SUGCT: variants seen among roughly 807,000 people sequenced by gnomAD.
SUGCT encodes the protein succinyl-CoA:glutarate-CoA transferase.
A neutral mutation model predicts 55.0 loss-of-function variants in SUGCT; 41 were observed. That is an observed-to-expected ratio of 0.74 (90% CI 0.58 to 0.97). The LOEUF (loss-of-function observed/expected upper bound fraction) is 0.97. Ranked by LOEUF, SUGCT falls within the 50% of genes least tolerant of loss-of-function variation. The pLI, the probability that SUGCT is intolerant of heterozygous loss-of-function variation, is 0.00. For synonymous variants in SUGCT, 187 were observed against 200.4 expected (o/e 0.93, Z 0.56); for missense variants, 568 against 547.8 (o/e 1.04, Z -0.37).
the SUGCT span, among the ~76,000 whole-genome samples, chr7:40,952,413 C>T: frequency 5.3e-5 from 8 of 152,138 alleles, no homozygotes; most frequent in Admixed American, 5.2e-4. Context: ...ATCCAATTTG[C>T]CAGTCTGTGT....
At chr7:40,650,744 C>A (rs1212835321) in intron 12 of SUGCT, among the ~76,000 whole-genome samples, 1 of 152,162 alleles carries the variant, frequency 6.6e-6, no homozygotes, top group African/African-American at 2.4e-5. Flanking sequence ...TAGGGTACAT[C>A]TGCAGGATGT....
chr7:40,493,211 A>C (rs572343585), intron 11 of SUGCT, among the ~76,000 whole-genome samples: 1 of 152,332 alleles, frequency 6.6e-6, no homozygotes, highest in African/African-American at 2.4e-5. Flanking sequence ...AAGCTGAATG[A>C]ATTTGAGCAA....
intron 12 of SUGCT, among the ~76,000 whole-genome samples, chr7:40,594,091 C>T (rs192121550): frequency 2.0e-4 from 30 of 151,942 alleles, no homozygotes; most frequent in East Asian, 1.6e-3. Context: ...AACCAAACAC[C>T]GCATATTCTC....
At chr7:40,255,375 G>A (rs114997044) in intron 7 of SUGCT, among the ~76,000 whole-genome samples, 2,544 of 151,500 alleles carry the variant, frequency 0.017, 57 homozygotes, top group African/African-American at 0.059. Context: ...AAAATAACAG[G>A]CTGAGGCTGG....
intron 9 of SUGCT, among the ~76,000 whole-genome samples, chr7:40,377,254 C>CTTT (rs1328189267): frequency 0.18 from 1,667 of 9,346 alleles, 747 homozygotes; most frequent in Middle Eastern, 0.36. Context: ...TTCCTTCTTT[C>CTTT]TTTTTTGAGA....
intron 13 of SUGCT, among the ~76,000 whole-genome samples, chr7:40,807,899 C>G (rs1435048337): frequency 6.6e-6 from 1 of 152,140 alleles, no homozygotes. Flanking sequence ...AGATGCAGGC[C>G]AGAAGACTAA....
the SUGCT span, among the ~76,000 whole-genome samples, chr7:40,869,597 G>A: frequency 6.6e-6 from 1 of 152,164 alleles, no homozygotes; most frequent in Non-Finnish European, 1.5e-5. Context: ...CTTATAAATG[G>A]CTGTTGTTTT....
intron 12 of SUGCT, among the ~76,000 whole-genome samples, chr7:40,537,724 C>T (rs1045520304): frequency 6.6e-6 from 1 of 152,100 alleles, no homozygotes; most frequent in African/African-American, 2.4e-5. Context: ...CTATTAAACA[C>T]TTTTCCTAGT....
At chr7:40,734,635 A>G (rs1787067500) in intron 12 of SUGCT, among the ~76,000 whole-genome samples, 1 of 152,150 alleles carries the variant, frequency 6.6e-6, no homozygotes, top group Admixed American at 6.5e-5. Flanking sequence ...CAACTCAGAG[A>G]ATCCATGTGC....
chr7:40,954,146 C>T, the SUGCT span, among the ~76,000 whole-genome samples: 6 of 152,208 alleles, frequency 3.9e-5, no homozygotes, highest in African/African-American at 1.4e-4. Context: ...CAAGCCTCAG[C>T]AATGGCGGGT....
At chr7:40,589,751 TTTC>T (rs1285848817) in intron 12 of SUGCT, among the ~76,000 whole-genome samples, 1 of 152,230 alleles carries the variant, frequency 6.6e-6, no homozygotes, top group African/African-American at 2.4e-5. Flanking sequence ...CATAAATATA[TTTC>T]TTAAGTTAGT....
At chr7:40,675,062 CTTT>C (rs777227064) in intron 12 of SUGCT, among the ~76,000 whole-genome samples, 2 of 135,386 alleles carry the variant, frequency 1.5e-5, no homozygotes, top group Non-Finnish European at 1.6e-5. Flanking sequence ...TTTCTAAAAT[CTTT>C]TTTTTTTTTT....
chr7:40,470,205 C>T (rs1234723674), intron 11 of SUGCT, among the ~76,000 whole-genome samples: 5 of 152,010 alleles, frequency 3.3e-5, no homozygotes, highest in African/African-American at 9.7e-5. Context: ...GTTTGCTCCT[C>T]GGACTCCCTG....
intron 8 of SUGCT, among the ~76,000 whole-genome samples, chr7:40,304,264 T>A (rs866395210): frequency 3.3e-5 from 5 of 151,952 alleles, no homozygotes; most frequent in Middle Eastern, 3.4e-3. Flanking sequence ...ATGAAAGAAA[T>A]CTGTAGAAGT....
In SUGCT at chr7:40,860,331, A is replaced by G; in HGVS notation, c.1169A>G (p.Tyr390Cys). ...KISVPGPAVR[Y>C]SKFKMSEARP... ...CCTTTGGCAGGCCCAGCTGTGAGATACAGTAAGTTCAAGATGTCAGAGGCC... is the reference window on the plus strand; with the variant it reads ...CCTTTGGCAGGCCCAGCTGTGAGATGCAGTAAGTTCAAGATGTCAGAGGCC... Residue 390 changes from tyrosine (Y) to cysteine (C), a missense_variant, in exon 14 of 14, where the codon TAC (tyrosine) becomes TGC (cysteine). Coordinates refer to ENST00000335693, the MANE Select transcript of SUGCT (RefSeq NM_001193313.2). 6.2e-7 allele frequency: 1 copy of G among 1,613,980 alleles called. No homozygotes were observed. Among genetic ancestry groups the G allele is most frequent in the Non-Finnish European group, 8.5e-7 (1 of 1,179,870 alleles).
intron 6 of SUGCT, among the ~76,000 whole-genome samples, chr7:40,231,703 G>A (rs1195304458): frequency 1.3e-5 from 2 of 152,176 alleles, no homozygotes; most frequent in African/African-American, 4.8e-5. Context: ...GCCATGTGGG[G>A]CCCTCTAAGC....
the SUGCT span, among the ~76,000 whole-genome samples, chr7:40,999,544 G>A: frequency 1.3e-4 from 20 of 152,204 alleles, no homozygotes; most frequent in South Asian, 1.7e-3. Context: ...ATAGTGCCTC[G>A]CATGTACTTA....
chr7:40,666,459 A>G (rs1342950166), intron 12 of SUGCT, among the ~76,000 whole-genome samples: 8 of 73,414 alleles, frequency 1.1e-4, no homozygotes, highest in Non-Finnish European at 1.7e-4. Flanking sequence ...GGTGGACAGG[A>G]TATTTAGGGA....
intron 7 of SUGCT, among the ~76,000 whole-genome samples, chr7:40,239,311 A>G (rs6955478): frequency 0.45 from 67,675 of 151,806 alleles, 15,518 homozygotes; most frequent in African/African-American, 0.56. Flanking sequence ...GAACTCCTGG[A>G]CTCACGACAT....
Sources: gnomAD v4.1 joint callset for allele counts (sites outside exome capture counted in the v4.1 genomes callset) on GRCh38, gnomAD v4.1.1 for gene constraint, MANE v1.5 for transcripts, NCBI Gene and HGNC (gene_info 2026-07-23, HGNC 2026-07-21) for gene names.